Variants in GBF1 observed in about 807,000 individuals in gnomAD.
GBF1 encodes Golgi-specific brefeldin A-resistance guanine nucleotide exchange factor 1.
In GBF1, 114 loss-of-function variants were observed where a neutral mutation model predicts 210.5. The ratio of observed to expected loss-of-function variants is 0.54; its 90% CI spans 0.47 to 0.63. The LOEUF (loss-of-function observed/expected upper bound fraction) is 0.63. Among genes scored for constraint, GBF1 ranks in the 30% least tolerant of loss-of-function variants. The pLI is 0.00. For synonymous variants in GBF1, 850 were observed against 889.2 expected (o/e 0.96, Z 0.78); for missense variants, 1,851 against 2,357.7 (o/e 0.79, Z 4.45).
chr10:102,287,344 CTTTTTTTTTTT>C (rs763880492), intron 3 of GBF1, among the ~76,000 whole-genome samples: 1 of 69,524 alleles, frequency 1.4e-5, no homozygotes, highest in Non-Finnish European at 2.5e-5. Context: ...ATTTTATTTT[CTTTTTTTTTTT>C]TTTTTTTTTT....
chr10:102,332,764 T>A (rs2057431462), intron 3 of GBF1, among the ~76,000 whole-genome samples: 1 of 152,224 alleles, frequency 6.6e-6, no homozygotes, highest in African/African-American at 2.4e-5. Context: ...ATCCTGATTT[T>A]TACCTTGATG....
intron 3 of GBF1, among the ~76,000 whole-genome samples, chr10:102,285,506 T>A (rs1382609638): frequency 6.6e-6 from 1 of 152,236 alleles, no homozygotes; most frequent in Non-Finnish European, 1.5e-5. Flanking sequence ...ATCTCCTTAC[T>A]GTGTGGCTGG....
chr10:102,257,382 C>T (rs926099708), intron 1 of GBF1, among the ~76,000 whole-genome samples: 8 of 152,112 alleles, frequency 5.3e-5, no homozygotes, highest in Admixed American at 2.0e-4. Flanking sequence ...GGTCATAGCT[C>T]ACTGCAGCCT....
rs376911611 is a variant in GBF1, at chr10:102,376,155, CTA to C, written c.3887-115_3887-114del. On this transcript the variant is annotated intron_variant, in intron 30 of 39. Coordinates refer to ENST00000369983, the MANE Select transcript of GBF1 (RefSeq NM_001377137.1). Reference sequence around the variant, plus strand: ...TGGCCCTCTGGTGACAGAAATTAAACTATGCCAGAGAGAGGGGAGGCCAGGCC... The same window carrying C: ...TGGCCCTCTGGTGACAGAAATTAAACTGCCAGAGAGAGGGGAGGCCAGGCC... 7.7e-5 allele frequency: 56 copies of C among 730,358 alleles called. No homozygotes were observed. In the African/African-American group the frequency reaches 9.0e-4, roughly 12 times the overall value. The allele number at this position is 730,358 out of a possible 1,614,324, so 45.2% of individuals were successfully genotyped here. A position where few individuals can be genotyped will look rare whatever the true frequency, so the allele number is the denominator to read the frequency against.
chr10:102,359,999 C>G (rs1031693687), intron 11 of GBF1, among the ~76,000 whole-genome samples, 185 bp from the exon 12 acceptor site: 7 of 152,142 alleles, frequency 4.6e-5, no homozygotes, highest in Non-Finnish European at 1.0e-4. Flanking sequence ...CTCCTGGCCT[C>G]AAACAGTCCT....
chr10:102,335,672 G>A (rs2057679040), intron 3 of GBF1, among the ~76,000 whole-genome samples: 2 of 152,180 alleles, frequency 1.3e-5, no homozygotes, highest in South Asian at 4.1e-4. Context: ...ATCTTAGCTG[G>A]TGGGGACATC....
At chr10:102,352,810 C>T (rs1020052932) in intron 7 of GBF1, among the ~76,000 whole-genome samples, 3 of 152,084 alleles carry the variant, frequency 2.0e-5, no homozygotes, top group African/African-American at 7.2e-5. Flanking sequence ...GAAAGGGAAC[C>T]CAGAGAGGAA....
the GBF1 span, chr10:102,230,993 A>G: frequency 6.2e-7 from 1 of 1,602,744 alleles, no homozygotes; most frequent in South Asian, 1.1e-5. Flanking sequence ...ACCTCCTCGT[A>G]GGGCGGCACC....
rs924490719 is a variant in GBF1 at position 102,289,250 on chromosome 10, A to G, written c.163+29134A>G. 2.0e-5 allele frequency among the ~76,000 whole-genome samples: 3 copies of G among 152,220 alleles called. No individual in the cohort carries two copies. In the South Asian group the frequency reaches 6.2e-4, roughly 32 times the overall value. The stretch of plus-strand genomic sequence containing the variant: ...TGTCTTGCCTCTGTGTTTGGTAATC[A>G]TTCCAGCTATGCAGTTTCATTGATG... On this transcript the variant is annotated intron_variant, in intron 3 of 39. Coordinates refer to ENST00000369983, the MANE Select transcript of GBF1 (RefSeq NM_001377137.1).
intron 36 of GBF1, 129 bp from the exon 37 acceptor site, chr10:102,380,120 A>T: frequency 1.3e-6 from 1 of 771,084 alleles, no homozygotes; most frequent in Non-Finnish European, 2.3e-6. Context: ...CTGAATCTTA[A>T]ATCAGAGATT....
In GBF1 at chr10:102,380,689, A is replaced by AG. The variant is rs1286716677; in HGVS notation, c.5173+8dup. On this transcript the variant is annotated splice_donor_region_variant and intron_variant, in intron 38 of 39. Transcript: ENST00000369983. The stretch of plus-strand genomic sequence containing the variant: ...CTTCAAGCAGACCGTCATCCAGGGT[A>AG]GGGGGCTCAGCCCAGCTTTATCAAA... 2.8e-5 allele frequency: 45 copies of AG among 1,602,998 alleles called. No individual in the cohort carries two copies. Among genetic ancestry groups the AG allele is most frequent in the Non-Finnish European group, 3.7e-5 (43 of 1,173,334 alleles).
At chr10:102,337,858 A>AAAAG (rs146478538) in intron 3 of GBF1, among the ~76,000 whole-genome samples, 40 of 151,998 alleles carry the variant, frequency 2.6e-4, no homozygotes, top group African/African-American at 4.4e-4. Context: ...CTCTGTCTCA[A>AAAAG]AAAGAAAGAA....
intron 3 of GBF1, among the ~76,000 whole-genome samples, chr10:102,301,561 G>C (rs556382380): frequency 6.7e-6 from 1 of 149,240 alleles, no homozygotes; most frequent in East Asian, 2.0e-4. Context: ...GGCAGCTGCC[G>C]GGCGGAGGGG....
chr10:102,235,274 G>T, the GBF1 span, among the ~76,000 whole-genome samples: 1 of 151,572 alleles, frequency 6.6e-6, no homozygotes, highest in African/African-American at 2.4e-5. Flanking sequence ...AGGGGCCAGG[G>T]GAGTGTTCTG....
chr10:102,287,174 T>C (rs2076018648), intron 3 of GBF1, among the ~76,000 whole-genome samples: 1 of 152,028 alleles, frequency 6.6e-6, no homozygotes, highest in East Asian at 1.9e-4. Context: ...CCATCAAACT[T>C]GCTTAGTTTG....
At chr10:102,242,939 A>G (rs1438613462), upstream of GBF1, among the ~76,000 whole-genome samples, 2 of 151,242 alleles carry the variant, frequency 1.3e-5, no homozygotes, top group East Asian at 3.9e-4. Flanking sequence ...AAAAAAAAAA[A>G]AAAAAAAGAG....
intron 3 of GBF1, among the ~76,000 whole-genome samples, chr10:102,338,826 C>T (rs2057963982): frequency 6.6e-6 from 1 of 151,726 alleles, no homozygotes; most frequent in Non-Finnish European, 1.5e-5. Flanking sequence ...CTCATCAGTA[C>T]AGTGATGAGA....
At chr10:102,338,776 G>C (rs1410106066) in intron 3 of GBF1, among the ~76,000 whole-genome samples, 1 of 151,626 alleles carries the variant, frequency 6.6e-6, no homozygotes, top group Non-Finnish European at 1.5e-5. Flanking sequence ...GAGATACCCC[G>C]TCTCTACTAA....
chr10:102,316,222 GATT>G (rs1346339187), intron 3 of GBF1, among the ~76,000 whole-genome samples: 1 of 151,846 alleles, frequency 6.6e-6, no homozygotes, highest in Non-Finnish European at 1.5e-5. Flanking sequence ...ATGTAGCTGG[GATT>G]ACAAGCGTGT....
Sources: gnomAD v4.1 joint callset for allele counts (sites outside exome capture counted in the v4.1 genomes callset) on GRCh38, gnomAD v4.1.1 for gene constraint, MANE v1.5 for transcripts, NCBI Gene and HGNC (gene_info 2026-07-23, HGNC 2026-07-21) for gene names.